Variants in RBFOX1 observed in about 807,000 individuals in gnomAD.
RBFOX1 encodes the protein RNA binding protein fox-1 homolog 1.
Under a neutral mutation model 57.7 loss-of-function variants are expected in RBFOX1, and 8 were observed. The ratio of observed to expected loss-of-function variants is 0.14; its 90% CI spans 0.08 to 0.25. The LOEUF is 0.25. RBFOX1 is among the 10% of genes least tolerant of loss of function. The pLI, the probability that RBFOX1 is intolerant of heterozygous loss-of-function variation, is 1.00. For synonymous variants in RBFOX1, 326 were observed against 222.4 expected, an observed-to-expected ratio of 1.47 and a Z score of -4.15; for missense variants, 611 against 548.5, an observed-to-expected ratio of 1.11 and a Z score of -1.14.
At chr16:5,407,374 A>G (rs2066895259) in intron 1 of RBFOX1, among the ~76,000 whole-genome samples, 1 of 152,098 alleles carries the variant, frequency 6.6e-6, no homozygotes, top group Non-Finnish European at 1.5e-5. Flanking sequence ...TTAGATGAGT[A>G]GTGAGGCATG....
chr16:5,595,555 C>T (rs1240874014), intron 2 of RBFOX1, among the ~76,000 whole-genome samples: 1 of 152,162 alleles, frequency 6.6e-6, no homozygotes, highest in East Asian at 1.9e-4. Flanking sequence ...GGTTGCAGAT[C>T]AGATCTTCTC....
In RBFOX1 at chr16:6,798,618, C is replaced by G. The variant is rs774101012; in HGVS notation, c.-16+143968C>G. Among the ~76,000 whole-genome samples the G allele has an allele frequency of 3.9e-5, 6 of 152,184 alleles. 1 individual carries two copies. The highest frequency in any genetic ancestry group is 4.1e-4 in the South Asian group (2 of 4,826). Reference sequence around the variant, plus strand: ...GACACATATATCTGTGCTTTGTTGACTAGTGCCTTTCGTTTCTCTGGCCAA... The same window carrying G: ...GACACATATATCTGTGCTTTGTTGAGTAGTGCCTTTCGTTTCTCTGGCCAA... On this transcript the variant is annotated intron_variant, in intron 3 of 15. Coordinates refer to ENST00000550418, the MANE Select transcript of RBFOX1 (RefSeq NM_018723.4).
chr16:6,729,330 G>C (rs1057393668), intron 3 of RBFOX1, among the ~76,000 whole-genome samples: 6 of 152,120 alleles, frequency 3.9e-5, no homozygotes, highest in African/African-American at 1.4e-4. Flanking sequence ...GTATAGCATA[G>C]AGTGAGAATC....
chr16:7,297,898 T>C (rs2095933464), intron 4 of RBFOX1, among the ~76,000 whole-genome samples: 1 of 152,288 alleles, frequency 6.6e-6, no homozygotes, highest in East Asian at 1.9e-4. Flanking sequence ...CGGGCCCTTT[T>C]GTATGCACTT....
intron 10 of RBFOX1, among the ~76,000 whole-genome samples, 180 bp downstream of exon 10, chr16:7,607,518 A>G (rs1027364944): frequency 3.9e-5 from 6 of 152,204 alleles, no homozygotes; most frequent in Non-Finnish European, 7.3e-5. Context: ...TTACAAGGGA[A>G]TCGTCTAAGT....
intron 2 of RBFOX1, among the ~76,000 whole-genome samples, chr16:6,318,002 A>G (rs2081313435): frequency 6.6e-6 from 1 of 152,182 alleles, no homozygotes; most frequent in Admixed American, 6.5e-5. Context: ...AGCAGGTAGA[A>G]TTGGAGGACA....
intron 4 of RBFOX1, among the ~76,000 whole-genome samples, chr16:7,373,146 A>G (rs2097602637): frequency 6.6e-6 from 1 of 151,906 alleles, no homozygotes; most frequent in Non-Finnish European, 1.5e-5. Context: ...GTTAGCCAGG[A>G]TGGTTATCGC....
chr16:6,750,655 C>A (rs1335214795), intron 3 of RBFOX1, among the ~76,000 whole-genome samples: 1 of 152,148 alleles, frequency 6.6e-6, no homozygotes, highest in Non-Finnish European at 1.5e-5. Context: ...TGCAATTATG[C>A]TGGGACAGGG....
intron 4 of RBFOX1, among the ~76,000 whole-genome samples, chr16:7,410,912 T>A (rs774526550): frequency 6.6e-6 from 1 of 151,884 alleles, no homozygotes; most frequent in Non-Finnish European, 1.5e-5. Context: ...TCCATCGATC[T>A]ACTCTTCACC....
chr16:6,300,854 T>G (rs2078734317), intron 1 of RBFOX1, among the ~76,000 whole-genome samples: 1 of 152,230 alleles, frequency 6.6e-6, no homozygotes, highest in African/African-American at 2.4e-5. Context: ...TGTTTTGCTG[T>G]GCCTTCTATT....
intron 14 of RBFOX1, among the ~76,000 whole-genome samples, chr16:7,698,875 A>C (rs1296693949): frequency 6.6e-6 from 1 of 152,202 alleles, no homozygotes; most frequent in Admixed American, 6.5e-5. Context: ...AATACCCTAT[A>C]AAGTGTGTGC....
At chr16:6,098,998 AGAG>A (rs1212113342) in intron 1 of RBFOX1, among the ~76,000 whole-genome samples, 1 of 152,220 alleles carries the variant, frequency 6.6e-6, no homozygotes, top group Non-Finnish European at 1.5e-5. Flanking sequence ...TCATATCAAC[AGAG>A]GATGGGCTGG....
Position 7,052,101 on chromosome 16 carries a change from A to G in RBFOX1, c.27+3A>G. ...ATTGTGAAAGAGAGCAGCTAAGGGT[A>G]GGTGCACCTGCTTGTAAAATGCTTC... On this transcript the variant is annotated splice_donor_region_variant and intron_variant, in intron 4 of 15. Coordinates refer to ENST00000550418, the MANE Select transcript of RBFOX1 (RefSeq NM_018723.4). The G allele has an allele frequency of 6.2e-7, 1 of 1,604,726 alleles. No individual in the cohort carries two copies. The highest frequency in any genetic ancestry group is 1.7e-5 in the Admixed American group (1 of 57,902).
chr16:7,179,417 A>T (rs1341940130), intron 4 of RBFOX1, among the ~76,000 whole-genome samples: 2 of 152,094 alleles, frequency 1.3e-5, no homozygotes, highest in East Asian at 3.9e-4. Flanking sequence ...TCTCTCAATG[A>T]TGTGTCCAAT....
chr16:6,786,451 A>AG (rs2081977198), intron 3 of RBFOX1, among the ~76,000 whole-genome samples: 2 of 152,188 alleles, frequency 1.3e-5, no homozygotes, highest in Admixed American at 1.3e-4. Flanking sequence ...ACATTTTTAC[A>AG]GGGAAAAAGC....
chr16:7,052,044 C>G lies in RBFOX1; in HGVS notation c.-15-13C>G, dbSNP rs770408474. ...CCTTCTGACTTTTCCCCTTCATTTTCTTTTCTTTCTAGGTTTCAAGACAAC... is the reference window on the plus strand; with the variant it reads ...CCTTCTGACTTTTCCCCTTCATTTTGTTTTCTTTCTAGGTTTCAAGACAAC... On this transcript the variant is annotated splice_polypyrimidine_tract_variant and intron_variant, in intron 3 of 15. Transcript: ENST00000550418. 1.2e-6 allele frequency: 2 copies of G among 1,610,772 alleles called. No homozygotes were observed. The highest frequency in any genetic ancestry group is 1.7e-5 in the Admixed American group (1 of 59,624).
At chr16:6,623,819 C>T (rs2098268548) in intron 2 of RBFOX1, among the ~76,000 whole-genome samples, 2 of 152,120 alleles carry the variant, frequency 1.3e-5, no homozygotes, top group African/African-American at 4.8e-5. Flanking sequence ...GTATATGTGC[C>T]ACATTTTCTT....
intron 1 of RBFOX1, among the ~76,000 whole-genome samples, chr16:5,343,992 G>A (rs1187214383): frequency 6.6e-6 from 1 of 152,200 alleles, no homozygotes; most frequent in East Asian, 1.9e-4. Context: ...CTTTCTTTGG[G>A]TCTGAGCTGG....
chr16:5,788,426 T>G (rs1043740931), intron 3 of RBFOX1, among the ~76,000 whole-genome samples: 2 of 152,034 alleles, frequency 1.3e-5, no homozygotes, highest in African/African-American at 4.8e-5. Context: ...CTCAGGAGTT[T>G]GAGATCAGCC....
Sources: gnomAD v4.1 joint callset for allele counts (sites outside exome capture counted in the v4.1 genomes callset) on GRCh38, gnomAD v4.1.1 for gene constraint, MANE v1.5 for transcripts, NCBI Gene and HGNC (gene_info 2026-07-23, HGNC 2026-07-21) for gene names.